The following PDS5A variants were observed in gnomAD, a reference collection of about 807,000 sequenced individuals.
PDS5A encodes PDS5 cohesin associated factor A.
PDS5A carries 42 observed loss-of-function variants against 167.1 expected under a neutral mutation model. The observed-to-expected ratio is 0.25, with a 90% CI of 0.20 to 0.33. The LOEUF is 0.33. PDS5A is among the 10% of genes least tolerant of loss of function. PDS5A has a pLI of 1.00. For synonymous variants in PDS5A, 553 were observed against 554.6 expected (o/e 1.00, Z 0.04); for missense variants, 1,033 against 1,605.9 (o/e 0.64, Z 6.10).
At chr4:39,849,431 G>A (rs1374069082) in intron 27 of PDS5A, 89 bp downstream of exon 27, 4 of 748,900 alleles carry the variant, frequency 5.3e-6, no homozygotes, top group Admixed American at 2.9e-5. Context: ...AAATTACTAC[G>A]TATGGCCAAA....
Position 39,904,207 on chromosome 4 carries a change from T to A in PDS5A, c.1234-16A>T, listed in dbSNP as rs769784026. 2 of 1,585,152 alleles carry A rather than the reference T, an allele frequency of 1.3e-6. No homozygotes were observed. Among genetic ancestry groups the A allele is most frequent in the Non-Finnish European group, 1.7e-6 (2 of 1,163,998 alleles). ...TTACTCGCCACTAAAAAGCATAAAA[T>A]TTATTAGATGAGCAAGATAACAAAA... On this transcript the variant is annotated splice_polypyrimidine_tract_variant and intron_variant, in intron 11 of 32. Transcript: ENST00000303538.
At position 39,873,180 on chromosome 4, in the gene PDS5A, T is replaced by C. The variant is rs144928846; in HGVS notation, c.2278-36A>G. ...AAAACAGACAAAATTACCAATTTGT[T>C]TGATAAATATCTAGACACTCTACTG... On this transcript the variant is annotated intron_variant, in intron 20 of 32. Coordinates refer to ENST00000303538, the MANE Select transcript of PDS5A (RefSeq NM_001100399.2). 6 of 1,328,592 alleles carry C rather than the reference T, an allele frequency of 4.5e-6. No individual in the cohort carries two copies. In the East Asian group the frequency reaches 1.5e-4, roughly 33 times the overall value. 82.3% of individuals were successfully genotyped at this position (1,328,592 alleles called of 1,614,324 possible).
intron 2 of PDS5A, among the ~76,000 whole-genome samples, chr4:39,955,531 G>A (rs1174559190): frequency 6.6e-6 from 1 of 151,888 alleles, no homozygotes; most frequent in Non-Finnish European, 1.5e-5. Context: ...ACCCGGGGGA[G>A]CGGAGGTTGC....
rs1716425910 is a variant in PDS5A, at chr4:39,836,622, T to C, written c.4010+1234A>G. 2.1e-5 allele frequency among the ~76,000 whole-genome samples: 3 copies of C among 145,998 alleles called. No individual in the cohort carries two copies. The South Asian group carries it at 6.5e-4, about 31-fold the overall frequency. On this transcript the variant is annotated intron_variant, in intron 32 of 32. Transcript: ENST00000303538. ...CACCCGGGATTTTTTTCTATTTTTT[T>C]TTTTTTTTTTTTTGTATTTTTAGTA...
At chr4:39,896,939 A>G (rs1327798407) in intron 16 of PDS5A, among the ~76,000 whole-genome samples, 4 of 151,288 alleles carry the variant, frequency 2.6e-5, no homozygotes, top group African/African-American at 9.7e-5. Context: ...TATGGGATAC[A>G]TGTGCACAAT....
intron 2 of PDS5A, among the ~76,000 whole-genome samples, chr4:39,966,080 T>G (rs1729941631): frequency 5.9e-5 from 9 of 152,190 alleles, no homozygotes; most frequent in Admixed American, 5.9e-4. Flanking sequence ...CCTTCACAAA[T>G]GTACACTGGC....
intron 2 of PDS5A, chr4:39,936,841 C>T (rs756076274): frequency 1.3e-5 from 2 of 152,084 alleles, no homozygotes; most frequent in Non-Finnish European, 2.9e-5. Context: ...TGGGGAATAC[C>T]AGGTGCTGTG....
chr4:39,839,894 G>C (rs1716807435), intron 31 of PDS5A, among the ~76,000 whole-genome samples: 1 of 151,868 alleles, frequency 6.6e-6, no homozygotes, highest in African/African-American at 2.4e-5. Flanking sequence ...AGGAGTTCAA[G>C]ACCAGCCTGG....
intron 2 of PDS5A, among the ~76,000 whole-genome samples, chr4:39,935,171 G>A (rs1015003406): frequency 6.6e-6 from 1 of 152,120 alleles, no homozygotes; most frequent in Non-Finnish European, 1.5e-5. Flanking sequence ...TCACTCTGTT[G>A]CCTAGGCTGG....
chr4:39,930,246 A>AAAAAAGTTTTTT, intron 2 of PDS5A, among the ~76,000 whole-genome samples: 1 of 93,088 alleles, frequency 1.1e-5, no homozygotes, highest in Non-Finnish European at 2.2e-5. Flanking sequence ...AAAAAAAAAA[A>AAAAAAGTTTTTT]GTTTTTTTGT....
chr4:39,926,420 A>C (rs1725471484), intron 4 of PDS5A, among the ~76,000 whole-genome samples: 1 of 151,444 alleles, frequency 6.6e-6, no homozygotes, highest in African/African-American at 2.4e-5. Context: ...CGGGAGGCTG[A>C]GGCAGAAGAA....
At chr4:39,848,456 ATG>A (rs1717835614) in intron 28 of PDS5A, 1 of 186,930 alleles carries the variant, frequency 5.3e-6, no homozygotes, top group South Asian at 1.0e-4. Context: ...AATTGTCCAT[ATG>A]TATTATTAAC....
At chr4:39,932,162 G>C (rs1390697791) in intron 2 of PDS5A, among the ~76,000 whole-genome samples, 1 of 152,068 alleles carries the variant, frequency 6.6e-6, no homozygotes, top group Non-Finnish European at 1.5e-5. Context: ...CCAAATGCTG[G>C]GATTACAGGC....
chr4:39,884,396 G>A (rs750495781), intron 17 of PDS5A, among the ~76,000 whole-genome samples: 3 of 152,134 alleles, frequency 2.0e-5, no homozygotes, highest in Non-Finnish European at 4.4e-5. Context: ...ATTGAGCTGG[G>A]CCAGTAAAAA....
intron 2 of PDS5A, among the ~76,000 whole-genome samples, chr4:39,961,012 G>A (rs1197342756): frequency 1.3e-5 from 2 of 150,508 alleles, no homozygotes; most frequent in African/African-American, 4.9e-5. Flanking sequence ...TTGTAGAGGT[G>A]GGGGTCTCAC....
chr4:39,842,909 TTATATATA>T (rs71194933), intron 30 of PDS5A, among the ~76,000 whole-genome samples: 4,746 of 92,296 alleles, frequency 0.051, 400 homozygotes, highest in Non-Finnish European at 0.056. Flanking sequence ...TATCCTATTT[TTATATATA>T]TATATATATA....
intron 16 of PDS5A, among the ~76,000 whole-genome samples, chr4:39,895,418 T>C (rs983921988): frequency 2.0e-5 from 3 of 151,964 alleles, no homozygotes; most frequent in Middle Eastern, 6.8e-3. Context: ...ATATAAAAGA[T>C]AAAAACACAA....
At chr4:39,955,482 A>G (rs941511838) in intron 2 of PDS5A, among the ~76,000 whole-genome samples, 1 of 151,804 alleles carries the variant, frequency 6.6e-6, no homozygotes, top group African/African-American at 2.4e-5. Context: ...GGATGCTTGT[A>G]ATCCCAGCTT....
intron 13 of PDS5A, among the ~76,000 whole-genome samples, chr4:39,901,973 A>C (rs1286687772): frequency 6.6e-6 from 1 of 152,216 alleles, no homozygotes; most frequent in African/African-American, 2.4e-5. Flanking sequence ...ACCATTAATC[A>C]TATGGCCATC....
Sources: allele counts gnomAD v4.1 joint callset (sites outside exome capture counted in the v4.1 genomes callset), GRCh38; gene constraint gnomAD v4.1.1; transcripts MANE v1.5; gene names NCBI Gene and HGNC (gene_info 2026-07-23, HGNC 2026-07-21).